PRELID2: variants seen among roughly 807,000 people sequenced by gnomAD.
PRELID2 encodes the protein PRELI domain containing 2.
PRELID2 carries 25 observed loss-of-function variants against 28.4 expected under a neutral mutation model. The observed-to-expected ratio is 0.88, with a 90% CI of 0.64 to 1.23. The LOEUF is 1.23. PRELID2 is among the 50% of genes most tolerant of loss of function. The pLI is 0.00. For synonymous variants in PRELID2, 76 were observed against 71.6 expected, an observed-to-expected ratio of 1.06 and a Z score of -0.31; for missense variants, 201 against 214.4, an observed-to-expected ratio of 0.94 and a Z score of 0.39.
chr5:145,584,127 T>A (rs1198139867), intron 1 of PRELID2, among the ~76,000 whole-genome samples: 1 of 151,936 alleles, frequency 6.6e-6, no homozygotes, highest in African/African-American at 2.4e-5. Flanking sequence ...AGTTCAGAAA[T>A]AAGACCACAC....
chr5:145,662,061 A>G (rs1024857466), intron 1 of PRELID2, among the ~76,000 whole-genome samples: 3 of 152,032 alleles, frequency 2.0e-5, no homozygotes, highest in Admixed American at 6.6e-5. Flanking sequence ...CCCAGCTACA[A>G]TTTAATATCT....
chr5:145,817,787 G>A (rs1350214041), intron 4 of PRELID2, 107 bp downstream of exon 4: 1 of 921,000 alleles, frequency 1.1e-6, no homozygotes, highest in Non-Finnish European at 1.5e-6. Flanking sequence ...GAATTTGTAT[G>A]AGTTATAAAC....
intron 1 of PRELID2, among the ~76,000 whole-genome samples, chr5:145,750,843 A>G (rs1757106092): frequency 6.6e-6 from 1 of 152,162 alleles, no homozygotes; most frequent in Admixed American, 6.5e-5. Context: ...ACAAGAATCA[A>G]GAATCACAAC....
chr5:145,492,159 T>G (rs1752275336), intron 1 of PRELID2, among the ~76,000 whole-genome samples: 1 of 152,226 alleles, frequency 6.6e-6, no homozygotes, highest in African/African-American at 2.4e-5. Context: ...ACCAACAGTG[T>G]GCAAGGGTTT....
the PRELID2 span, among the ~76,000 whole-genome samples, chr5:145,280,448 T>C: frequency 6.6e-6 from 1 of 152,124 alleles, no homozygotes; most frequent in Non-Finnish European, 1.5e-5. Context: ...TGAAAAATCA[T>C]GCAACTCTGT....
At chr5:145,296,158 A>G in the PRELID2 span, among the ~76,000 whole-genome samples, 1 of 151,858 alleles carries the variant, frequency 6.6e-6, no homozygotes, top group Non-Finnish European at 1.5e-5. Flanking sequence ...CTTCCATTGT[A>G]GCAGGTTTTT....
At chr5:145,467,919 TA>T (rs1242290188), downstream of PRELID2, among the ~76,000 whole-genome samples, 36 of 151,470 alleles carry the variant, frequency 2.4e-4, no homozygotes, top group Admixed American at 5.3e-4. Context: ...TTTTTATATA[TA>T]TATTTTTTTA....
chr5:145,470,460 T>C (rs1306940043), downstream of PRELID2, among the ~76,000 whole-genome samples: 1 of 125,836 alleles, frequency 7.9e-6, no homozygotes, highest in East Asian at 2.0e-4. Flanking sequence ...CTGCTAAGCC[T>C]GTCAGACACT....
At chr5:145,336,483 T>G in the PRELID2 span, among the ~76,000 whole-genome samples, 1 of 152,070 alleles carries the variant, frequency 6.6e-6, no homozygotes. Context: ...GTTTCAGCTT[T>G]CTACATATGG....
At chr5:145,370,311 G>C in the PRELID2 span, among the ~76,000 whole-genome samples, 1 of 152,026 alleles carries the variant, frequency 6.6e-6, no homozygotes, top group East Asian at 1.9e-4. Context: ...TCTAAGGAAG[G>C]GGTCTAGTTG....
intron 1 of PRELID2, among the ~76,000 whole-genome samples, chr5:145,490,875 G>A (rs980711278): frequency 7.9e-5 from 12 of 151,834 alleles, no homozygotes; most frequent in African/African-American, 1.2e-4. Flanking sequence ...TTTGGTATAC[G>A]GGACAGTTTC....
At chr5:145,495,362 A>T (rs1387392473) in intron 1 of PRELID2, among the ~76,000 whole-genome samples, 1 of 152,182 alleles carries the variant, frequency 6.6e-6, no homozygotes, top group East Asian at 1.9e-4. Context: ...CTATTTTTGG[A>T]TGGAATCATT....
intron 4 of PRELID2, among the ~76,000 whole-genome samples, chr5:145,807,688 T>C (rs1753607847): frequency 6.6e-6 from 1 of 152,082 alleles, no homozygotes; most frequent in African/African-American, 2.4e-5. Context: ...AAATTCCTTC[T>C]CTTTTCCTTT....
chr5:145,653,991 T>G (rs977996156), intron 1 of PRELID2, among the ~76,000 whole-genome samples: 2 of 151,904 alleles, frequency 1.3e-5, no homozygotes, highest in East Asian at 1.9e-4. Context: ...ATAAAATTGA[T>G]AGATCGCTAG....
At chr5:145,437,783 T>G in the PRELID2 span, among the ~76,000 whole-genome samples, 4 of 152,008 alleles carry the variant, frequency 2.6e-5, no homozygotes, top group Admixed American at 2.0e-4. Flanking sequence ...CCTAATAATC[T>G]CAAAACTGGA....
intron 1 of PRELID2, among the ~76,000 whole-genome samples, chr5:145,651,114 C>T (rs539042044): frequency 6.6e-6 from 1 of 152,218 alleles, no homozygotes; most frequent in East Asian, 1.9e-4. Flanking sequence ...GATGATATCC[C>T]ACGCCTGGCT....
the PRELID2 span, among the ~76,000 whole-genome samples, chr5:145,391,938 T>C: frequency 6.6e-6 from 1 of 152,188 alleles, no homozygotes; most frequent in African/African-American, 2.4e-5. Flanking sequence ...CACCTCAGCC[T>C]GGATTTCATT....
At chr5:145,332,820 A>G in the PRELID2 span, among the ~76,000 whole-genome samples, 40,786 of 151,906 alleles carry the variant, frequency 0.27, 5,608 homozygotes, top group South Asian at 0.33. Context: ...CTGGCAAGGA[A>G]TTGTAATCCT....
the PRELID2 span, among the ~76,000 whole-genome samples, chr5:145,328,593 G>A: frequency 6.6e-6 from 1 of 151,706 alleles, no homozygotes; most frequent in Non-Finnish European, 1.5e-5. Context: ...TTTGAGAAGT[G>A]TCTGTTTATA....
Sources: gnomAD v4.1 joint callset for allele counts (sites outside exome capture counted in the v4.1 genomes callset) on GRCh38, gnomAD v4.1.1 for gene constraint, MANE v1.5 for transcripts, NCBI Gene and HGNC (gene_info 2026-07-23, HGNC 2026-07-21) for gene names.